Variants in LATS2 observed in about 807,000 individuals in gnomAD.
LATS2 encodes the protein serine/threonine-protein kinase LATS2.
A neutral mutation model predicts 76.0 loss-of-function variants in LATS2; 24 were observed. The ratio of observed to expected loss-of-function variants is 0.32; its 90% CI spans 0.23 to 0.44. The LOEUF (loss-of-function observed/expected upper bound fraction) is 0.44. Among genes scored for constraint, LATS2 ranks in the 20% least tolerant of loss-of-function variants. LATS2 has a pLI of 1.00. For missense variants in LATS2, 1,286 were observed against 1,481.2 expected, an observed-to-expected ratio of 0.87 and a Z score of 2.16; for synonymous variants, 692 against 635.4, an observed-to-expected ratio of 1.09 and a Z score of -1.34.
chr13:21,001,364 C>G (rs1174936904), intron 2 of LATS2, among the ~76,000 whole-genome samples: 3 of 152,280 alleles, frequency 2.0e-5, no homozygotes, highest in Non-Finnish European at 2.9e-5. Context: ...AAAATTTCTC[C>G]CATCCCTGTA....
chr13:20,975,361 T>A lies in LATS2; in HGVS notation c.2776A>T (p.Ile926Phe). 1 of 1,552,832 alleles carries A rather than the reference T, an allele frequency of 6.4e-7. No homozygotes were observed. Among genetic ancestry groups the A allele is most frequent in the Non-Finnish European group, 8.7e-7 (1 of 1,150,620 alleles). ...PTPTETQLKV[I>F]NWENTLHIPA... ...ATGTGGAGCGTGTTCTCCCAGTTGA[T>A]CACCTGAGGAAACAACAGAGCCAAC... Residue 926 changes from isoleucine (I) to phenylalanine (F), a missense_variant, in exon 8 of 8, where the codon ATC (isoleucine) becomes TTC (phenylalanine). Physicochemically the swap from Ile to Phe is conservative, Grantham distance 21 (BLOSUM62 0). Coordinates refer to ENST00000382592, the MANE Select transcript of LATS2 (RefSeq NM_014572.3).
intron 2 of LATS2, among the ~76,000 whole-genome samples, chr13:21,041,520 G>T (rs1162499672): frequency 6.6e-6 from 1 of 152,048 alleles, no homozygotes; most frequent in Non-Finnish European, 1.5e-5. Flanking sequence ...GATTAATCAG[G>T]ATTAGGAAAT....
chr13:21,047,543 C>A (rs1481595540), intron 1 of LATS2, among the ~76,000 whole-genome samples: 3 of 152,116 alleles, frequency 2.0e-5, no homozygotes, highest in Non-Finnish European at 4.4e-5. Context: ...GAGCAGATTT[C>A]GAAGGATAAT....
At chr13:21,020,988 A>C (rs1872036667) in intron 2 of LATS2, among the ~76,000 whole-genome samples, 1 of 152,202 alleles carries the variant, frequency 6.6e-6, no homozygotes, top group African/African-American at 2.4e-5. Flanking sequence ...TTGATTCTTC[A>C]AAAATCAAAA....
chr13:21,023,917 GA>G lies in LATS2; in HGVS notation c.342+21767del, dbSNP rs533424848. ...GAACCCAGGAGGCAGAGGTAGCAGG[GA>G]GACGAGATCGCACCATTGCACTCCA... On this transcript the variant is annotated intron_variant, in intron 2 of 7. Coordinates refer to ENST00000382592, the MANE Select transcript of LATS2 (RefSeq NM_014572.3). 3.8e-4 allele frequency among the ~76,000 whole-genome samples: 57 copies of G among 151,694 alleles called. No individual in the cohort carries two copies. The East Asian group carries it at 0.011, about 29-fold the overall frequency.
intron 4 of LATS2, among the ~76,000 whole-genome samples, chr13:20,984,218 G>C (rs1301220562): frequency 6.6e-6 from 1 of 152,220 alleles, no homozygotes; most frequent in Admixed American, 6.5e-5. Context: ...ACAGGCTTGA[G>C]CCACTGTGCC....
chr13:21,049,258 G>C (rs1044361120), intron 1 of LATS2, among the ~76,000 whole-genome samples: 7 of 152,216 alleles, frequency 4.6e-5, no homozygotes, highest in African/African-American at 1.7e-4. Context: ...ACTCAGTGCA[G>C]AGGATGGGCA....
chr13:20,975,031 C>A lies in LATS2; in HGVS notation c.3106G>T (p.Ala1036Ser). 1 of 1,614,208 alleles carries A rather than the reference C, an allele frequency of 6.2e-7. No individual in the cohort carries two copies. The highest frequency in any genetic ancestry group is 8.5e-7 in the Non-Finnish European group (1 of 1,180,034). The change falls in exon 8 of 8, where the codon GCA (alanine) becomes TCA (serine). Residue 1036 changes from alanine to serine, a missense_variant. Around this residue, in one of 5 missense-constraint regions of LATS2, gnomAD observed 210 missense variants for 234.9 expected, o/e 0.89. Coordinates refer to ENST00000382592, the MANE Select transcript of LATS2 (RefSeq NM_014572.3). The part of the protein sequence containing the change: ...TSPNNKHPEH[A>S]FYEFTFRRFF... ...CTTCGGAAGGTGAATTCGTAAAATGCGTGCTCAGGATGCTTGTTATTGGGC... is the reference window on the plus strand; with the variant it reads ...CTTCGGAAGGTGAATTCGTAAAATGAGTGCTCAGGATGCTTGTTATTGGGC...
rs1287070797 is a variant in LATS2, at chr13:21,046,102, T to C, written c.-76A>G. On this transcript the variant is annotated 5_prime_UTR_variant, in exon 2 of 8. Transcript: ENST00000382592. ...ATTATTTAAAAAAAAAAACTGTCAA[T>C]AGTATCAGTTTGTTGTAAACATACT... 4.1e-6 allele frequency: 4 copies of C among 969,304 alleles called. No individual in the cohort carries two copies. The highest frequency in any genetic ancestry group is 6.1e-6 in the Non-Finnish European group (4 of 654,604). The allele number at this position is 969,304 out of a possible 1,614,324, so 60.0% of individuals were successfully genotyped here.
chr13:21,032,473 G>A (rs1872561567), intron 2 of LATS2, among the ~76,000 whole-genome samples: 1 of 152,098 alleles, frequency 6.6e-6, no homozygotes. Context: ...CGCCATGTTG[G>A]CCAGGCTGGT....
intron 2 of LATS2, among the ~76,000 whole-genome samples, chr13:21,040,073 CAAA>C (rs930634193): frequency 3.2e-5 from 4 of 123,818 alleles, no homozygotes; most frequent in Admixed American, 8.4e-5. Flanking sequence ...AACTCCATCT[CAAA>C]AAAAAAAAAA....
intron 2 of LATS2, among the ~76,000 whole-genome samples, chr13:21,038,226 G>A (rs1339922568): frequency 1.3e-5 from 2 of 152,018 alleles, no homozygotes; most frequent in South Asian, 2.1e-4. Flanking sequence ...AGCCTGTACC[G>A]GGGGCAGGAG....
chr13:21,007,424 AG>A (rs1354103385), intron 2 of LATS2, among the ~76,000 whole-genome samples: 5 of 147,076 alleles, frequency 3.4e-5, no homozygotes, highest in African/African-American at 1.3e-4. Flanking sequence ...TACAGACCAC[AG>A]CCTGTTTTCC....
At chr13:21,001,039 C>T (rs1429565107) in intron 2 of LATS2, among the ~76,000 whole-genome samples, 1 of 152,238 alleles carries the variant, frequency 6.6e-6, no homozygotes, top group Non-Finnish European at 1.5e-5. Flanking sequence ...ACTGCCTGTA[C>T]TATCTAGCTA....
chr13:21,020,414 C>T (rs1872008676), intron 2 of LATS2, among the ~76,000 whole-genome samples: 1 of 152,242 alleles, frequency 6.6e-6, no homozygotes, highest in Non-Finnish European at 1.5e-5. Context: ...AGCCTCACCG[C>T]ACTGCCTCTA....
intron 2 of LATS2, among the ~76,000 whole-genome samples, chr13:21,035,673 A>G (rs1350288827): frequency 6.6e-6 from 1 of 152,226 alleles, no homozygotes; most frequent in Non-Finnish European, 1.5e-5. Context: ...TATGATCTCC[A>G]ATATTTTTCA....
chr13:21,037,680 C>T (rs1279898309), intron 2 of LATS2, among the ~76,000 whole-genome samples: 1 of 152,132 alleles, frequency 6.6e-6, no homozygotes, highest in Non-Finnish European at 1.5e-5. Flanking sequence ...CTAATTTTGA[C>T]TGGAGGCTCA....
At chr13:21,018,972 C>T (rs2138355823) in intron 2 of LATS2, among the ~76,000 whole-genome samples, 1 of 152,136 alleles carries the variant, frequency 6.6e-6, no homozygotes, top group East Asian at 1.9e-4. Flanking sequence ...GACTAATTTT[C>T]CTTTCTACTT....
chr13:21,004,030 A>T (rs1317948465), intron 2 of LATS2, among the ~76,000 whole-genome samples: 2 of 152,262 alleles, frequency 1.3e-5, no homozygotes, highest in African/African-American at 4.8e-5. Context: ...TTACTAGGTC[A>T]AATCTCCCTG....
Sources: allele counts gnomAD v4.1 joint callset (sites outside exome capture counted in the v4.1 genomes callset), GRCh38; gene constraint gnomAD v4.1.1; regional missense constraint gnomAD v4.1.1; transcripts MANE v1.5; gene names NCBI Gene and HGNC (gene_info 2026-07-23, HGNC 2026-07-21).